SPON1: variants seen among roughly 807,000 people sequenced by gnomAD.
SPON1 encodes spondin-1.
A neutral mutation model predicts 111.7 loss-of-function variants in SPON1; 52 were observed. The observed-to-expected ratio is 0.47, with a 90% CI of 0.37 to 0.59. The LOEUF (loss-of-function observed/expected upper bound fraction) is 0.59. Ranked by LOEUF, SPON1 falls within the 20% of genes least tolerant of loss-of-function variation. The pLI, the probability that SPON1 is intolerant of heterozygous loss-of-function variation, is 0.00. For synonymous variants in SPON1, 410 were observed against 395.8 expected, an observed-to-expected ratio of 1.04 and a Z score of -0.43; for missense variants, 957 against 1,068.5, an observed-to-expected ratio of 0.90 and a Z score of 1.46.
chr11:14,034,390 C>T (rs1011044982), intron 2 of SPON1, among the ~76,000 whole-genome samples: 12 of 152,210 alleles, frequency 7.9e-5, no homozygotes, highest in African/African-American at 2.6e-4. Flanking sequence ...CTCTAGATGA[C>T]GAGTGTGGAG....
intron 7 of SPON1, among the ~76,000 whole-genome samples, chr11:14,249,469 C>T (rs1849029291): frequency 6.6e-6 from 1 of 152,184 alleles, no homozygotes; most frequent in African/African-American, 2.4e-5. Context: ...CAGGAACCTC[C>T]CTCAAACCTT....
intron 6 of SPON1, among the ~76,000 whole-genome samples, chr11:14,172,894 A>T (rs182367158): frequency 0.01 from 1,572 of 151,958 alleles, 31 homozygotes; most frequent in African/African-American, 0.036. Flanking sequence ...GTTTGTGGGT[A>T]ACCTGACCTT....
chr11:14,092,503 A>C (rs1849067702), intron 5 of SPON1, among the ~76,000 whole-genome samples: 1 of 152,148 alleles, frequency 6.6e-6, no homozygotes, highest in Non-Finnish European at 1.5e-5. Flanking sequence ...GGCAATACCC[A>C]GTCTCTGCAG....
chr11:14,141,663 G>GCCA (rs1235464314), intron 6 of SPON1, among the ~76,000 whole-genome samples: 1 of 152,150 alleles, frequency 6.6e-6, no homozygotes, highest in Non-Finnish European at 1.5e-5. Context: ...AGTTGAAACA[G>GCCA]TTTATATGGC....
At chr11:14,129,108 T>C (rs1847497421) in intron 5 of SPON1, among the ~76,000 whole-genome samples, 1 of 152,198 alleles carries the variant, frequency 6.6e-6, no homozygotes, top group Admixed American at 6.5e-5. Context: ...TTTTCCCCAT[T>C]GTCTTGACTA....
intron 1 of SPON1, among the ~76,000 whole-genome samples, chr11:13,967,074 A>G (rs1289213596): frequency 6.6e-6 from 1 of 152,226 alleles, no homozygotes; most frequent in African/African-American, 2.4e-5. Context: ...TTACTGTTTT[A>G]TGGATGAGAA....
chr11:14,112,800 C>A (rs567521981), intron 5 of SPON1, among the ~76,000 whole-genome samples: 1 of 152,320 alleles, frequency 6.6e-6, no homozygotes, highest in Admixed American at 6.5e-5. Context: ...TGGCTTTGCC[C>A]TTCCAGGGAT....
rs782188156 is a variant in SPON1, at chr11:14,265,625, T to C, written c.2362T>C (p.Ser788Pro). ...GACTGTAAAGAAGAGATTCAAAAGC[T>C]CCCAGTTTACCAGCTGCAAAGACAA... is the stretch of plus-strand genomic sequence containing the variant. The part of the protein sequence containing the change: ...YMTVKKRFKS[S>P]QFTSCKDKKE... Residue 788 changes from serine to proline, a missense_variant, in exon 16 of 16, where the codon TCC (serine) becomes CCC (proline). Ser to Pro is a moderately conservative substitution (Grantham distance 74, BLOSUM62 -1). Coordinates refer to ENST00000576479, the MANE Select transcript of SPON1 (RefSeq NM_006108.4). 3 of 1,613,642 alleles carry C rather than the reference T, an allele frequency of 1.9e-6. No individual in the cohort carries two copies. The highest frequency in any genetic ancestry group is 2.5e-6 in the Non-Finnish European group (3 of 1,179,784).
chr11:14,220,086 C>CAAAAA (rs149757475), intron 6 of SPON1, among the ~76,000 whole-genome samples: 1 of 118,212 alleles, frequency 8.5e-6, no homozygotes, highest in Non-Finnish European at 1.8e-5. Flanking sequence ...GCACTTGGAT[C>CAAAAA]AAAAAAAAAA....
At chr11:14,253,114 G>T (rs1248794827) in intron 7 of SPON1, among the ~76,000 whole-genome samples, 1 of 152,202 alleles carries the variant, frequency 6.6e-6, no homozygotes, top group East Asian at 1.9e-4. Context: ...GTGCATGGGA[G>T]GCAGCACCAG....
At chr11:14,199,793 T>A (rs953832744) in intron 6 of SPON1, among the ~76,000 whole-genome samples, 1 of 152,198 alleles carries the variant, frequency 6.6e-6, no homozygotes, top group Non-Finnish European at 1.5e-5. Context: ...TCTTGCCCCA[T>A]CACTCTGGAG....
chr11:14,223,299 G>A (rs1450340199), intron 6 of SPON1, among the ~76,000 whole-genome samples: 1 of 152,168 alleles, frequency 6.6e-6, no homozygotes, highest in Admixed American at 6.6e-5. Context: ...AGAAGGCGGA[G>A]GTTGCAGTGA....
At chr11:14,203,561 C>G (rs1848485846) in intron 6 of SPON1, among the ~76,000 whole-genome samples, 1 of 152,170 alleles carries the variant, frequency 6.6e-6, no homozygotes, top group African/African-American at 2.4e-5. Context: ...ACACAGTCAC[C>G]CAGAACAGAC....
chr11:14,018,093 A>G (rs988028403), intron 2 of SPON1, among the ~76,000 whole-genome samples: 8 of 152,224 alleles, frequency 5.3e-5, no homozygotes, highest in Non-Finnish European at 1.2e-4. Context: ...TTATGAAATA[A>G]CCATGGAACA....
intron 3 of SPON1, among the ~76,000 whole-genome samples, chr11:14,053,187 A>G (rs1200665330): frequency 2.6e-5 from 4 of 152,214 alleles, no homozygotes; most frequent in African/African-American, 7.2e-5. Flanking sequence ...AAAGTGATCA[A>G]TTCAGTGGCA....
At chr11:14,250,367 T>C (rs1454495809) in intron 7 of SPON1, among the ~76,000 whole-genome samples, 1 of 142,786 alleles carries the variant, frequency 7.0e-6, no homozygotes, top group Non-Finnish European at 1.6e-5. Flanking sequence ...TCTGGGTCTG[T>C]TTTTTTTTTT....
At chr11:14,220,372 C>CT (rs1387878364) in intron 6 of SPON1, among the ~76,000 whole-genome samples, 8 of 152,162 alleles carry the variant, frequency 5.3e-5, no homozygotes, top group Non-Finnish European at 8.8e-5. Context: ...GGTGATTTTT[C>CT]TTCCCTATCT....
At chr11:14,235,398 G>A (rs896597265) in intron 6 of SPON1, among the ~76,000 whole-genome samples, 1 of 152,138 alleles carries the variant, frequency 6.6e-6, no homozygotes, top group South Asian at 2.1e-4. Context: ...AGTAAATAAG[G>A]CAGGACATGG....
intron 6 of SPON1, among the ~76,000 whole-genome samples, chr11:14,140,410 T>C (rs1255192037): frequency 6.6e-6 from 1 of 152,236 alleles, no homozygotes; most frequent in African/African-American, 2.4e-5. Context: ...TTTTGTTTTT[T>C]TGAGATGGAA....
Sources: allele counts gnomAD v4.1 joint callset (sites outside exome capture counted in the v4.1 genomes callset), GRCh38; gene constraint gnomAD v4.1.1; transcripts MANE v1.5; gene names NCBI Gene and HGNC (gene_info 2026-07-23, HGNC 2026-07-21).